Variants in AXDND1 observed in about 807,000 individuals in gnomAD.
The protein encoded by AXDND1 is axonemal dynein light chain domain containing 1.
A neutral mutation model predicts 137.5 loss-of-function variants in AXDND1; 110 were observed. That is an observed-to-expected ratio of 0.80 (90% CI 0.69 to 0.94). The LOEUF (loss-of-function observed/expected upper bound fraction) is 0.94, where lower values mean the gene tolerates loss of function less well. Among genes scored for constraint, AXDND1 ranks in the 40% least tolerant of loss-of-function variants. The pLI is 0.00. For synonymous variants in AXDND1, 414 were observed against 399.7 expected, an observed-to-expected ratio of 1.04 and a Z score of -0.43; for missense variants, 1,191 against 1,169.8, an observed-to-expected ratio of 1.02 and a Z score of -0.26.
chr1:179,534,416 AAG>A (rs760083690), intron 24 of AXDND1: 23 of 232,430 alleles, frequency 9.9e-5, no homozygotes, highest in Non-Finnish European at 1.8e-4. Flanking sequence ...CACATCAATT[AAG>A]AGAAGCCAAA....
At chr1:179,409,994 T>C (rs1416287544) in intron 11 of AXDND1, among the ~76,000 whole-genome samples, 1 of 152,136 alleles carries the variant, frequency 6.6e-6, no homozygotes, top group African/African-American at 2.4e-5. Context: ...TTAATTCTCT[T>C]TTGATAATTG....
At position 179,528,363 on chromosome 1, in the gene AXDND1, C is replaced by T. The variant is rs761897633; in HGVS notation, c.2647C>T (p.Arg883Ter). Residue 883 changes from arginine to a stop codon, truncating the protein, a stop_gained, in exon 23 of 26, where the codon CGA becomes TGA. Coordinates refer to ENST00000367618, the MANE Select transcript of AXDND1 (RefSeq NM_144696.6). LOFTEE classifies it high-confidence loss of function. The stretch of plus-strand genomic sequence containing the variant: ...ATCTACAGAGAAGGAAAAACTCATT[C>T]GATTCATTGGAGAAGATGAAAATGT... Reference protein sequence around the residue: ...STSTEKEKLIRFIGEDENVHS... With the variant: ...STSTEKEKLI 33 of 1,613,680 alleles carry T rather than the reference C, an allele frequency of 2.0e-5. No homozygotes were observed. The highest frequency in any genetic ancestry group is 2.5e-5 in the Non-Finnish European group (29 of 1,179,814).
chr1:179,489,785 G>A (rs1368212051), intron 18 of AXDND1, among the ~76,000 whole-genome samples: 25 of 126,410 alleles, frequency 2.0e-4, no homozygotes, highest in African/African-American at 6.9e-4. Flanking sequence ...TCGCTCTGTC[G>A]CCCAGGCTGG....
intron 12 of AXDND1, among the ~76,000 whole-genome samples, chr1:179,417,451 C>A (rs547624436): frequency 6.6e-6 from 1 of 152,176 alleles, no homozygotes. Flanking sequence ...GTTTCCCCAA[C>A]GTTTTCTTCA....
chr1:179,538,466 G>T (rs1671771419), intron 25 of AXDND1, among the ~76,000 whole-genome samples: 1 of 152,160 alleles, frequency 6.6e-6, no homozygotes, highest in African/African-American at 2.4e-5. Flanking sequence ...AGTCATTCAG[G>T]AGCAGGTTGT....
rs528630508 is a variant in AXDND1 at position 179,461,306 on chromosome 1, G to A, written c.1799-7137G>A. Among the ~76,000 whole-genome samples the A allele has an allele frequency of 7.2e-5, 11 of 152,262 alleles. No homozygotes were observed. In the East Asian group the frequency reaches 2.1e-3, roughly 29 times the overall value. On this transcript the variant is annotated intron_variant, in intron 16 of 25. Coordinates refer to ENST00000367618, the MANE Select transcript of AXDND1 (RefSeq NM_144696.6). The stretch of plus-strand genomic sequence containing the variant: ...TTCCCAGCACCATTTATTAAATAGG[G>A]AATCCTTTCCCCATTTCTTGTTTTT...
At chr1:179,536,800 G>A (rs1358008301) in intron 25 of AXDND1, among the ~76,000 whole-genome samples, 1 of 152,110 alleles carries the variant, frequency 6.6e-6, no homozygotes, top group Admixed American at 6.5e-5. Context: ...AATTACCTTG[G>A]GCAGTATGGC....
intron 20 of AXDND1, among the ~76,000 whole-genome samples, chr1:179,501,735 C>CA (rs1299609475): frequency 3.3e-5 from 5 of 151,722 alleles, no homozygotes; most frequent in East Asian, 1.9e-4. Context: ...AAAACAACAA[C>CA]AAAAAAACTC....
intron 21 of AXDND1, among the ~76,000 whole-genome samples, chr1:179,515,266 G>T (rs570303373): frequency 1.3e-5 from 2 of 152,102 alleles, no homozygotes; most frequent in Non-Finnish European, 2.9e-5. Context: ...GTGGTGGCTT[G>T]GTAGTGGCGA....
At chr1:179,479,938 C>T (rs1056952313) in intron 17 of AXDND1, among the ~76,000 whole-genome samples, 1 of 152,158 alleles carries the variant, frequency 6.6e-6, no homozygotes, top group Non-Finnish European at 1.5e-5. Flanking sequence ...CCAAGAAGTT[C>T]CTCATCTCCA....
At chr1:179,481,999 A>G (rs1196372178) in intron 17 of AXDND1, among the ~76,000 whole-genome samples, 2 of 151,942 alleles carry the variant, frequency 1.3e-5, no homozygotes, top group African/African-American at 4.8e-5. Flanking sequence ...GCATTTCACC[A>G]AACCTCCACT....
intron 20 of AXDND1, among the ~76,000 whole-genome samples, chr1:179,496,395 A>G (rs1667453145): frequency 6.6e-6 from 1 of 152,076 alleles, no homozygotes; most frequent in Admixed American, 6.5e-5. Flanking sequence ...ACAAGTTTAA[A>G]TACATTTATC....
rs1657495804 is a variant in AXDND1, at chr1:179,432,335, G to A, written c.1556G>A (p.Trp519Ter). The change falls in exon 15 of 26, where the codon TGG (tryptophan) becomes TAG (stop). Residue 519 changes from tryptophan to a stop codon, truncating the protein, a stop_gained. Coordinates refer to ENST00000367618, the MANE Select transcript of AXDND1 (RefSeq NM_144696.6). LOFTEE classifies it high-confidence loss of function. ...TCAGTTCTTTTAGACTTCAAACAGT[G>A]GCAGAAGGTAAGACTTTTTAATAAA... ...FNSVLLDFKQ[W>*]QKILNEKKEE... The A allele has an allele frequency of 2.5e-6, 4 of 1,570,720 alleles. No individual in the cohort carries two copies. The highest frequency in any genetic ancestry group is 3.5e-6 in the Non-Finnish European group (4 of 1,155,932).
At chr1:179,480,294 A>C (rs1198786832) in intron 17 of AXDND1, among the ~76,000 whole-genome samples, 2 of 152,212 alleles carry the variant, frequency 1.3e-5, no homozygotes, top group Non-Finnish European at 2.9e-5. Context: ...TCCTGGTGGA[A>C]GGTGAAAGGC....
intron 20 of AXDND1, among the ~76,000 whole-genome samples, chr1:179,496,712 C>T (rs1558268993): frequency 6.6e-6 from 1 of 151,914 alleles, no homozygotes; most frequent in Admixed American, 6.6e-5. Context: ...CCAGTCTAGT[C>T]TTTATTGTTT....
At chr1:179,450,572 A>C (rs747111106) in intron 16 of AXDND1, 2 of 152,114 alleles carry the variant, frequency 1.3e-5, no homozygotes, top group African/African-American at 2.4e-5. Flanking sequence ...CTTTCTCTGT[A>C]TTCATTGAGA....
intron 11 of AXDND1, among the ~76,000 whole-genome samples, chr1:179,410,487 C>T (rs1653705423): frequency 6.6e-6 from 1 of 152,218 alleles, no homozygotes; most frequent in Non-Finnish European, 1.5e-5. Context: ...CTCGGCCTCC[C>T]AATGTGTTGG....
At chr1:179,380,101 T>C (rs1018560211) in intron 6 of AXDND1, among the ~76,000 whole-genome samples, 23 of 151,592 alleles carry the variant, frequency 1.5e-4, no homozygotes, top group Non-Finnish European at 7.4e-5. Flanking sequence ...TACAAAAAAA[T>C]AGCCGGGCGT....
chr1:179,552,917 T>C (rs1330292049), intron 25 of AXDND1, among the ~76,000 whole-genome samples: 2 of 152,252 alleles, frequency 1.3e-5, no homozygotes, highest in Non-Finnish European at 2.9e-5. Flanking sequence ...AGTTTCTCAT[T>C]ATCAGCACAG....
Sources: allele counts gnomAD v4.1 joint callset (sites outside exome capture counted in the v4.1 genomes callset), GRCh38; gene constraint gnomAD v4.1.1; transcripts MANE v1.5; gene names NCBI Gene and HGNC (gene_info 2026-07-23, HGNC 2026-07-21).